Variants in LYPLAL1 observed in about 807,000 individuals in gnomAD.
The protein encoded by LYPLAL1 is lysophospholipase-like protein 1.
Under a neutral mutation model 19.7 loss-of-function variants are expected in LYPLAL1, and 23 were observed. That is an observed-to-expected ratio of 1.17 (90% CI 0.84 to 1.65). The LOEUF (loss-of-function observed/expected upper bound fraction) is 1.65. Ranked by LOEUF, LYPLAL1 falls within the 40% of genes most tolerant of loss-of-function variation. The pLI, the probability that LYPLAL1 is intolerant of heterozygous loss-of-function variation, is 0.00. For missense variants in LYPLAL1, 355 were observed against 279.4 expected, an observed-to-expected ratio of 1.27 and a Z score of -1.93; for synonymous variants, 119 against 96.3, an observed-to-expected ratio of 1.24 and a Z score of -1.38.
At chr1:219,184,061 A>G (rs940347924) in intron 2 of LYPLAL1, among the ~76,000 whole-genome samples, 2 of 151,848 alleles carry the variant, frequency 1.3e-5, no homozygotes, top group African/African-American at 4.8e-5. Flanking sequence ...TTTACGTGTA[A>G]ATTTTAGAAC....
At chr1:219,326,057 G>A in the LYPLAL1 span, among the ~76,000 whole-genome samples, 1 of 152,054 alleles carries the variant, frequency 6.6e-6, no homozygotes, top group Non-Finnish European at 1.5e-5. Context: ...GGGATTACAG[G>A]CACCCACCAC....
At chr1:219,406,907 G>A in the LYPLAL1 span, among the ~76,000 whole-genome samples, 18 of 152,314 alleles carry the variant, frequency 1.2e-4, no homozygotes, top group African/African-American at 3.8e-4. Context: ...GGTATAAAAT[G>A]AGAAGGATCT....
chr1:219,294,135 A>C, the LYPLAL1 span, among the ~76,000 whole-genome samples: 1 of 152,212 alleles, frequency 6.6e-6, no homozygotes, highest in Admixed American at 6.5e-5. Flanking sequence ...AATTGTAATA[A>C]CCATTTGATA....
the LYPLAL1 span, chr1:219,273,135 A>T: frequency 6.6e-6 from 1 of 152,202 alleles, no homozygotes; most frequent in Non-Finnish European, 1.5e-5. Flanking sequence ...ATATGTTAAG[A>T]TTATTTACTA....
At chr1:219,363,073 A>T in the LYPLAL1 span, among the ~76,000 whole-genome samples, 4 of 152,310 alleles carry the variant, frequency 2.6e-5, no homozygotes, top group African/African-American at 9.6e-5. Context: ...TTAAAAATCA[A>T]AGGCTACACA....
the LYPLAL1 span, among the ~76,000 whole-genome samples, chr1:219,412,562 G>A: frequency 6.6e-6 from 1 of 152,106 alleles, no homozygotes; most frequent in Non-Finnish European, 1.5e-5. Flanking sequence ...TCCATTAATG[G>A]GTAAATGTCT....
At chr1:219,299,995 T>C in the LYPLAL1 span, among the ~76,000 whole-genome samples, 3 of 152,178 alleles carry the variant, frequency 2.0e-5, no homozygotes, top group African/African-American at 4.8e-5. Context: ...ATATATATAT[T>C]TGAGACAGAG....
chr1:219,202,136 C>T (rs776678201), intron 3 of LYPLAL1, among the ~76,000 whole-genome samples: 1 of 152,152 alleles, frequency 6.6e-6, no homozygotes, highest in Non-Finnish European at 1.5e-5. Context: ...TCCTATATTC[C>T]TCACTTTGTA....
At chr1:219,350,761 A>G in the LYPLAL1 span, among the ~76,000 whole-genome samples, 7 of 152,320 alleles carry the variant, frequency 4.6e-5, no homozygotes, top group African/African-American at 9.6e-5. Context: ...AGGAAACTCG[A>G]TGACATATGA....
At chr1:219,382,759 A>C in the LYPLAL1 span, among the ~76,000 whole-genome samples, 1 of 152,222 alleles carries the variant, frequency 6.6e-6, no homozygotes, top group African/African-American at 2.4e-5. Flanking sequence ...AGAAAACCAC[A>C]TAAAAATTAA....
the LYPLAL1 span, among the ~76,000 whole-genome samples, chr1:219,283,104 A>G: frequency 6.6e-6 from 1 of 152,204 alleles, no homozygotes; most frequent in African/African-American, 2.4e-5. Flanking sequence ...AAGGCAGCAC[A>G]GAGTGTTGGA....
At chr1:219,373,001 G>T in the LYPLAL1 span, among the ~76,000 whole-genome samples, 2 of 152,192 alleles carry the variant, frequency 1.3e-5, no homozygotes, top group Admixed American at 1.3e-4. Flanking sequence ...TGTAAGCAGT[G>T]CCCCAACATT....
At chr1:219,373,882 CAA>C in the LYPLAL1 span, among the ~76,000 whole-genome samples, 214 of 119,592 alleles carry the variant, frequency 1.8e-3, no homozygotes, top group Middle Eastern at 4.4e-3. Flanking sequence ...AAAAAAAAAA[CAA>C]AAAAAAAAAC....
chr1:219,411,555 T>A, the LYPLAL1 span, among the ~76,000 whole-genome samples: 1 of 152,016 alleles, frequency 6.6e-6, no homozygotes, highest in Non-Finnish European at 1.5e-5. Context: ...AGGATGTGGG[T>A]GGGGCCAGAT....
chr1:219,245,055 C>A, the LYPLAL1 span, among the ~76,000 whole-genome samples: 1 of 140,892 alleles, frequency 7.1e-6, no homozygotes, highest in Admixed American at 7.4e-5. Context: ...CTTTCCTTTT[C>A]TTTCTCCTTT....
chr1:219,173,963 A>C lies in LYPLAL1; in HGVS notation c.73A>C (p.Ile25Leu). 6.2e-7 allele frequency: 1 copy of C among 1,614,032 alleles called. No individual in the cohort carries two copies. The highest frequency in any genetic ancestry group is 8.5e-7 in the Non-Finnish European group (1 of 1,179,960). Residue 25 changes from isoleucine (I) to leucine (L), a missense_variant, in exon 1 of 5, where the codon ATC becomes CTC. Ile to Leu is a conservative substitution (Grantham distance 5). Transcript: ENST00000366928. ...GGCAGGGAGGCATAGCGCCTCTCTGATCTTCCTGCATGGCTCAGGTGGATT... is the reference window on the plus strand; with the variant it reads ...GGCAGGGAGGCATAGCGCCTCTCTGCTCTTCCTGCATGGCTCAGGTGGATT... ...SPAGRHSASL[I>L]FLHGSGDSGQ...
chr1:219,183,519 C>T (rs935223374), intron 2 of LYPLAL1, among the ~76,000 whole-genome samples: 1 of 151,894 alleles, frequency 6.6e-6, no homozygotes, highest in African/African-American at 2.4e-5. Flanking sequence ...AAATTATGCA[C>T]CTATTTACCT....
At chr1:219,409,319 C>T in the LYPLAL1 span, among the ~76,000 whole-genome samples, 3 of 151,896 alleles carry the variant, frequency 2.0e-5, no homozygotes, top group African/African-American at 7.3e-5. Flanking sequence ...TGTGGTGGCC[C>T]ATGCCTGTAG....
chr1:219,334,435 T>C, the LYPLAL1 span, among the ~76,000 whole-genome samples: 1 of 151,934 alleles, frequency 6.6e-6, no homozygotes, highest in Non-Finnish European at 1.5e-5. Context: ...TTTTCTTCTA[T>C]ATCTAGAATA....
Sources: allele counts gnomAD v4.1 joint callset (sites outside exome capture counted in the v4.1 genomes callset), GRCh38; gene constraint gnomAD v4.1.1; transcripts MANE v1.5; gene names NCBI Gene and HGNC (gene_info 2026-07-23, HGNC 2026-07-21).